PCDHGB4: variants seen among roughly 807,000 people sequenced by gnomAD.
The protein encoded by PCDHGB4 is protocadherin gamma-B4.
PCDHGB4 carries 38 observed loss-of-function variants against 60.5 expected under a neutral mutation model. The ratio of observed to expected loss-of-function variants is 0.63; its 90% CI spans 0.48 to 0.82. The LOEUF (loss-of-function observed/expected upper bound fraction) is 0.82, where lower values mean the gene tolerates loss of function less well. Ranked by LOEUF, PCDHGB4 falls within the 40% of genes least tolerant of loss-of-function variation. PCDHGB4 has a pLI of 0.00. For synonymous variants in PCDHGB4, 456 were observed against 509.7 expected (o/e 0.89, Z 1.42); for missense variants, 1,109 against 1,209.6 (o/e 0.92, Z 1.23).
At chr5:141,394,482 G>A in intron 1 of PCDHGB4, 1 of 1,614,240 alleles carries the variant, frequency 6.2e-7, no homozygotes, top group Non-Finnish European at 8.5e-7. Context: ...GGACCAGAAT[G>A]ACAACGCGCC....
chr5:141,433,354 T>TCTGC, intron 1 of PCDHGB4: 2 of 602,322 alleles, frequency 3.3e-6, no homozygotes, highest in South Asian at 2.1e-5. Context: ...CCACCTACTG[T>TCTGC]CTGCCTATCT....
chr5:141,478,293 T>C (rs2099444312), intron 1 of PCDHGB4: 2 of 1,614,026 alleles, frequency 1.2e-6, no homozygotes. Context: ...TCTAGAGACC[T>C]ATACCGAGCC....
At chr5:141,423,429 A>G (rs1590473158) in intron 1 of PCDHGB4, 2 of 1,613,960 alleles carry the variant, frequency 1.2e-6, no homozygotes, top group African/African-American at 1.3e-5. Flanking sequence ...GCGGGTTGGC[A>G]GGTATGCCCA....
rs2099735810 is a variant in PCDHGB4 at position 141,491,979 on chromosome 5, G to A, written c.2398-2828G>A. On this transcript the variant is annotated intron_variant, in intron 1 of 3. Transcript: ENST00000519479. This position sits in a 1 kb window ranked among gnomAD's most constrained non-coding sequence, Gnocchi z 6.9. ...CAAAAAAGGCCGGGGCCTCCTTCGA[G>A]CTTCCGGTGAATTTCGGGCGATTTC... 6.4e-6 allele frequency: 5 copies of A among 787,296 alleles called. No homozygotes were observed. Among genetic ancestry groups the A allele is most frequent in the Non-Finnish European group, 9.4e-6 (5 of 533,208 alleles). 48.8% of individuals were successfully genotyped at this position (787,296 alleles called of 1,614,324 possible).
intron 1 of PCDHGB4, chr5:141,400,747 G>A: frequency 1.7e-6 from 1 of 602,780 alleles, no homozygotes; most frequent in Non-Finnish European, 2.9e-6. Flanking sequence ...TTTGCTCTTA[G>A]CTTCCTCTCT....
chr5:141,487,880 G>T lies in PCDHGB4; in HGVS notation c.2398-6927G>T, dbSNP rs1008153773. ...ATTGGTGATCAAGAGCCAGGCTGTTGTGGAAGCATGATGATGGAATGTGGG... is the reference window on the plus strand; with the variant it reads ...ATTGGTGATCAAGAGCCAGGCTGTTTTGGAAGCATGATGATGGAATGTGGG... On this transcript the variant is annotated intron_variant, in intron 1 of 3. Transcript: ENST00000519479. The surrounding 1 kb of genome is among the most constrained non-coding windows in gnomAD (Gnocchi z 5.0). The T allele has an allele frequency of 3.8e-6, 3 of 784,896 alleles. No individual in the cohort carries two copies. Among genetic ancestry groups the T allele is most frequent in the Non-Finnish European group, 6.0e-6 (3 of 497,074 alleles). 48.6% of individuals were successfully genotyped at this position (784,896 alleles called of 1,614,324 possible).
chr5:141,409,849 C>A (rs772503820), intron 1 of PCDHGB4: 1 of 1,612,106 alleles, frequency 6.2e-7, no homozygotes, highest in South Asian at 1.1e-5. Context: ...TGAGCCTGCG[C>A]GTGTTGGTGG....
intron 1 of PCDHGB4, among the ~76,000 whole-genome samples, chr5:141,467,304 C>T (rs567912553): frequency 2.0e-5 from 3 of 152,266 alleles, no homozygotes; most frequent in Admixed American, 6.5e-5. Flanking sequence ...CCACTCACCT[C>T]GGCCTCCCAC....
chr5:141,388,734 G>C lies in PCDHGB4; in HGVS notation c.850G>C (p.Ala284Pro). 6.2e-7 allele frequency: 1 copy of C among 1,614,018 alleles called. No individual in the cohort carries two copies. Among genetic ancestry groups the C allele is most frequent in the Non-Finnish European group, 8.5e-7 (1 of 1,179,892 alleles). Reference sequence around the variant, plus strand: ...CGAGATTACTTTCTCTTTCAGTGAAGCTAGCCAGATCACCCAATTTGACCT... The same window carrying C: ...CGAGATTACTTTCTCTTTCAGTGAACCTAGCCAGATCACCCAATTTGACCT... ...NAEITFSFSE[A>P]SQITQFDLNS... Residue 284 changes from alanine (A) to proline (P), a missense_variant, in exon 1 of 4, where the codon GCT becomes CCT. Coordinates refer to ENST00000519479, the MANE Select transcript of PCDHGB4 (RefSeq NM_003736.4).
At chr5:141,421,159 C>G (rs2096549842) in intron 1 of PCDHGB4, 3 of 1,236,898 alleles carry the variant, frequency 2.4e-6, no homozygotes. Flanking sequence ...CCTAGGACTT[C>G]ATAGATACAT....
Position 141,431,352 on chromosome 5 carries a change from G to C in PCDHGB4, c.2397+41071G>C. Reference sequence around the variant, plus strand: ...AAGTACCCCGAATTGGTGCTGAAACGCGCCCTGGACCGCGAAGAAAAGGCT... The same window carrying C: ...AAGTACCCCGAATTGGTGCTGAAACCCGCCCTGGACCGCGAAGAAAAGGCT... On this transcript the variant is annotated intron_variant, in intron 1 of 3. Coordinates refer to ENST00000519479, the MANE Select transcript of PCDHGB4 (RefSeq NM_003736.4). This position sits in a 1 kb window ranked among gnomAD's most constrained non-coding sequence, Gnocchi z 4.8. The C allele has an allele frequency of 6.2e-7, 1 of 1,614,044 alleles. No individual in the cohort carries two copies. The highest frequency in any genetic ancestry group is 8.5e-7 in the Non-Finnish European group (1 of 1,180,032).
At chr5:141,405,955 CCTG>C (rs1293666113) in intron 1 of PCDHGB4, among the ~76,000 whole-genome samples, 4 of 152,056 alleles carry the variant, frequency 2.6e-5, no homozygotes, top group African/African-American at 9.7e-5. Context: ...TAATAATTAA[CCTG>C]CTGTCAACGT....
intron 1 of PCDHGB4, among the ~76,000 whole-genome samples, chr5:141,468,952 G>GTT (rs34870721): frequency 3.3e-5 from 5 of 151,198 alleles, no homozygotes; most frequent in Admixed American, 6.6e-5. Flanking sequence ...TAAACCTGTG[G>GTT]TTTTTTTTAC....
chr5:141,462,161 T>G (rs1592764918), intron 1 of PCDHGB4, among the ~76,000 whole-genome samples: 1 of 152,148 alleles, frequency 6.6e-6, no homozygotes, highest in Non-Finnish European at 1.5e-5. Flanking sequence ...GGTTTCATCA[T>G]GTTGGCCAGG....
chr5:141,409,823 A>G, intron 1 of PCDHGB4: 2 of 1,610,784 alleles, frequency 1.2e-6, no homozygotes, highest in Non-Finnish European at 1.7e-6. Flanking sequence ...CGGCTCGCCC[A>G]CGCTCAGCGC....
At chr5:141,403,892 T>C in intron 1 of PCDHGB4, 1 of 1,613,820 alleles carries the variant, frequency 6.2e-7, no homozygotes, top group Non-Finnish European at 8.5e-7. Flanking sequence ...AGAATGTTCA[T>C]TTTATGAAAT....
chr5:141,404,902 C>T, intron 1 of PCDHGB4: 1 of 1,613,856 alleles, frequency 6.2e-7, no homozygotes, highest in Non-Finnish European at 8.5e-7. Context: ...AGGACCATGG[C>T]CAGCCCCCTC....
In PCDHGB4 at chr5:141,418,134, G is replaced by A. The variant is rs367774534; in HGVS notation, c.2397+27853G>A. ...TTACTTGTGAAGGACCGAATAGACC[G>A]TGAGCAAATATGCAAAGAGAGAAGA... On this transcript the variant is annotated intron_variant, in intron 1 of 3. Transcript: ENST00000519479. The A allele has an allele frequency of 3.1e-6, 5 of 1,613,970 alleles. No individual in the cohort carries two copies. In the African/African-American group the frequency reaches 4.0e-5, roughly 13 times the overall value.
intron 1 of PCDHGB4, chr5:141,392,918 G>T (rs1177755274): frequency 1.2e-6 from 2 of 1,613,794 alleles, no homozygotes; most frequent in African/African-American, 2.7e-5. Flanking sequence ...GCTACTCTGT[G>T]CCAGAAGAGA....
Sources: gnomAD v4.1 joint callset for allele counts (sites outside exome capture counted in the v4.1 genomes callset) on GRCh38, gnomAD v4.1.1 for gene constraint, Gnocchi (gnomAD v3.1) non-coding constraint, MANE v1.5 for transcripts, NCBI Gene and HGNC (gene_info 2026-07-23, HGNC 2026-07-21) for gene names.